The following DSTYK variants were observed in gnomAD, a reference collection of about 807,000 sequenced individuals.
The protein encoded by DSTYK is dual serine/threonine and tyrosine protein kinase.
A neutral mutation model predicts 98.7 loss-of-function variants in DSTYK; 34 were observed. The observed-to-expected ratio is 0.34, with a 90% CI of 0.26 to 0.46. DSTYK has a LOEUF of 0.46. Ranked by LOEUF, DSTYK falls within the 20% of genes least tolerant of loss-of-function variation. DSTYK has a pLI of 1.00. For synonymous variants in DSTYK, 462 were observed against 457.3 expected, an observed-to-expected ratio of 1.01 and a Z score of -0.13; for missense variants, 962 against 1,181.7, an observed-to-expected ratio of 0.81 and a Z score of 2.73.
At chr1:205,178,439 G>A (rs1041393637) in intron 2 of DSTYK, among the ~76,000 whole-genome samples, 1 of 152,072 alleles carries the variant, frequency 6.6e-6, no homozygotes, top group Non-Finnish European at 1.5e-5. Flanking sequence ...GATTGAGAGA[G>A]AGAGACAAAA....
At chr1:205,207,035 C>G (rs907609680) in intron 1 of DSTYK, among the ~76,000 whole-genome samples, 1 of 151,470 alleles carries the variant, frequency 6.6e-6, no homozygotes, top group East Asian at 2.0e-4. Flanking sequence ...GAAGGCACCA[C>G]AGACCACAGA....
In DSTYK at chr1:205,200,371, G is replaced by A. The variant is rs567743534; in HGVS notation, c.265+10900C>T. Among the ~76,000 whole-genome samples, 95 of 151,924 alleles carry A rather than the reference G, an allele frequency of 6.3e-4. 2 individuals carry two copies. The South Asian group carries it at 0.019, about 30-fold the overall frequency. ...GTATTTTTAATCGAGATGGGGTTTC[G>A]CCATGTTGGCCAGGTTGGTCTTGAA... On this transcript the variant is annotated intron_variant, in intron 1 of 12. Transcript: ENST00000367162.
In DSTYK at chr1:205,144,271, T is replaced by C. The variant is rs541681829; in HGVS notation, c.*3287A>G. ...GTTGGGGTAAGCTGCCCTAATTATG[T>C]TGATTAGAAGGACAGACCACAATAA... is the stretch of plus-strand genomic sequence containing the variant. On this transcript the variant is annotated 3_prime_UTR_variant, in exon 13 of 13. Coordinates refer to ENST00000367162, the MANE Select transcript of DSTYK (RefSeq NM_015375.3). 1 of 152,642 alleles carries C rather than the reference T, an allele frequency of 6.6e-6. No homozygotes were observed. Among genetic ancestry groups the C allele is most frequent in the South Asian group, 2.1e-4 (1 of 4,826 alleles). 9.5% of individuals were successfully genotyped at this position (152,642 alleles called of 1,614,324 possible).
chr1:205,191,069 C>T (rs1216612401), intron 1 of DSTYK, among the ~76,000 whole-genome samples: 1 of 152,122 alleles, frequency 6.6e-6, no homozygotes, highest in Non-Finnish European at 1.5e-5. Context: ...TGAACACTTC[C>T]CCCCTCCATC....
intron 10 of DSTYK, among the ~76,000 whole-genome samples, chr1:205,151,874 C>T (rs1403333278): frequency 6.6e-6 from 1 of 152,080 alleles, no homozygotes; most frequent in Non-Finnish European, 1.5e-5. Flanking sequence ...ACACCTTCTT[C>T]TGGAATTTGT....
At chr1:205,170,244 C>G (rs1464460555) in intron 2 of DSTYK, among the ~76,000 whole-genome samples, 3 of 152,160 alleles carry the variant, frequency 2.0e-5, no homozygotes, top group Admixed American at 1.3e-4. Context: ...CTCTTGCTCT[C>G]CTCTGACACC....
rs372715158 is a variant in DSTYK at position 205,161,995 on chromosome 1, C to G, written c.1818+41G>C. On this transcript the variant is annotated intron_variant, in intron 6 of 12. Coordinates refer to ENST00000367162, the MANE Select transcript of DSTYK (RefSeq NM_015375.3). ...ATATTCCCATCTGGATGAGGCTCTT[C>G]TCTGCTTGATCCAGCTGTATCTCCT... 5.0e-6 allele frequency: 8 copies of G among 1,589,842 alleles called. No homozygotes were observed. In the African/African-American group the frequency reaches 9.4e-5, roughly 19 times the overall value.
intron 3 of DSTYK, among the ~76,000 whole-genome samples, chr1:205,166,728 C>T (rs575330827): frequency 1.4e-4 from 21 of 152,306 alleles, no homozygotes; most frequent in African/African-American, 5.1e-4. Flanking sequence ...CAACTCCTCT[C>T]GCAGTGGGGA....
chr1:205,159,571 G>A lies in DSTYK; in HGVS notation c.2214C>T (p.His738=). The change falls in exon 9 of 13, where the codon CAC becomes CAT. Residue 738 remains histidine (H), a synonymous_variant. Coordinates refer to ENST00000367162, the MANE Select transcript of DSTYK (RefSeq NM_015375.3). ...IAVLLIMERL[H]RDLYTGLKAG... is the part of the protein sequence containing the mutation. ...CCTTCAGCCCTGTGTAGAGATCCCG[G>A]TGTAGCCGCTCCATAATGAGGAGCA... 1.2e-6 allele frequency: 2 copies of A among 1,612,270 alleles called. No individual in the cohort carries two copies. The highest frequency in any genetic ancestry group is 1.7e-6 in the Non-Finnish European group (2 of 1,179,388).
intron 3 of DSTYK, among the ~76,000 whole-genome samples, chr1:205,168,634 C>T (rs1657961250): frequency 6.6e-6 from 1 of 152,194 alleles, no homozygotes; most frequent in Non-Finnish European, 1.5e-5. Context: ...ACCCAAAGAC[C>T]TGACCAATCA....
intron 1 of DSTYK, among the ~76,000 whole-genome samples, chr1:205,203,158 A>G (rs1574802573): frequency 6.6e-6 from 1 of 152,206 alleles, no homozygotes. Context: ...GCAAATTATA[A>G]TAAGCTTAAA....
chr1:205,199,522 A>G (rs1658964398), intron 1 of DSTYK, among the ~76,000 whole-genome samples: 1 of 152,202 alleles, frequency 6.6e-6, no homozygotes. Flanking sequence ...TCCTCTGGTC[A>G]TGTAAGTGTC....
intron 1 of DSTYK, among the ~76,000 whole-genome samples, chr1:205,209,457 C>A (rs1659300878): frequency 6.6e-6 from 1 of 151,606 alleles, no homozygotes; most frequent in South Asian, 2.1e-4. Context: ...CAGTATATTT[C>A]TGGACGTAAG....
At chr1:205,170,743 T>G (rs1014382551) in intron 2 of DSTYK, among the ~76,000 whole-genome samples, 1 of 152,186 alleles carries the variant, frequency 6.6e-6, no homozygotes, top group African/African-American at 2.4e-5. Flanking sequence ...CCTTTACAGA[T>G]AGGGGTATCC....
intron 1 of DSTYK, among the ~76,000 whole-genome samples, chr1:205,203,146 T>C (rs955135552): frequency 6.6e-6 from 1 of 152,098 alleles, no homozygotes; most frequent in South Asian, 2.1e-4. Flanking sequence ...ACTAAACATA[T>C]TGCAAATTAT....
intron 2 of DSTYK, among the ~76,000 whole-genome samples, chr1:205,173,723 G>GTT (rs1194952875): frequency 5.5e-5 from 8 of 144,162 alleles, no homozygotes; most frequent in South Asian, 4.4e-4. Context: ...CAATACGGTT[G>GTT]TTTTTTTTTT....
intron 5 of DSTYK, among the ~76,000 whole-genome samples, chr1:205,162,456 C>A (rs1450540507): frequency 1.3e-5 from 2 of 152,188 alleles, no homozygotes; most frequent in African/African-American, 4.8e-5. Flanking sequence ...ATATTACATT[C>A]AGTGCCAGGG....
intron 10 of DSTYK, among the ~76,000 whole-genome samples, chr1:205,152,163 A>G (rs1382623975): frequency 6.6e-6 from 1 of 152,098 alleles, no homozygotes; most frequent in Non-Finnish European, 1.5e-5. Flanking sequence ...TTTTTAGTCC[A>G]TTATAATCTT....
chr1:205,163,665 T>C (rs1444829418), intron 4 of DSTYK, 58 bp downstream of exon 4: 6 of 1,371,266 alleles, frequency 4.4e-6, no homozygotes, highest in Admixed American at 3.9e-5. Context: ...TGTGGACTTG[T>C]GCAGATTTTT....
Sources: allele counts gnomAD v4.1 joint callset (sites outside exome capture counted in the v4.1 genomes callset), GRCh38; gene constraint gnomAD v4.1.1; transcripts MANE v1.5; gene names NCBI Gene and HGNC (gene_info 2026-07-23, HGNC 2026-07-21).